Variants in PRKCQ observed in about 807,000 individuals in gnomAD.
The protein encoded by PRKCQ is protein kinase C theta type.
Under a neutral mutation model 91.2 loss-of-function variants are expected in PRKCQ, and 41 were observed. The observed-to-expected ratio is 0.45, with a 90% CI of 0.35 to 0.58. The LOEUF (loss-of-function observed/expected upper bound fraction) is 0.58, where lower values mean the gene tolerates loss of function less well. Ranked by LOEUF, PRKCQ falls within the 20% of genes least tolerant of loss-of-function variation. The pLI is 0.00. For missense variants in PRKCQ, 673 were observed against 896.5 expected (o/e 0.75, Z 3.18); for synonymous variants, 307 against 316.9 (o/e 0.97, Z 0.33).
chr10:6,412,844 C>G, the PRKCQ span, among the ~76,000 whole-genome samples: 1 of 152,276 alleles, frequency 6.6e-6, no homozygotes, highest in Non-Finnish European at 1.5e-5. Context: ...CCACTAGGTA[C>G]AGCCTGGTAT....
At chr10:6,454,366 AG>A in intron 15 of PRKCQ, among the ~76,000 whole-genome samples, 1 of 152,280 alleles carries the variant, frequency 6.6e-6, no homozygotes, top group Non-Finnish European at 1.5e-5. Flanking sequence ...GGGTAACAGC[AG>A]TAAGGGCGAG....
At chr10:6,439,500 G>C (rs1283313855) in intron 16 of PRKCQ, among the ~76,000 whole-genome samples, 2 of 152,018 alleles carry the variant, frequency 1.3e-5, no homozygotes, top group African/African-American at 4.8e-5. Flanking sequence ...TTTACACCAA[G>C]TGTGCCTGCC....
intron 11 of PRKCQ, among the ~76,000 whole-genome samples, 154 bp downstream of exon 11, chr10:6,483,286 C>T (rs568453984): frequency 2.6e-5 from 4 of 152,214 alleles, no homozygotes; most frequent in East Asian, 1.9e-4. Context: ...CTAGAGCCCT[C>T]GGGGTCCCTA....
intron 1 of PRKCQ, among the ~76,000 whole-genome samples, chr10:6,577,366 T>C (rs1841281729): frequency 1.3e-5 from 2 of 152,238 alleles, no homozygotes; most frequent in South Asian, 4.1e-4. Context: ...CATTTTTCTA[T>C]AGTTTCTCAT....
chr10:6,540,843 A>C (rs1261159941), intron 1 of PRKCQ, among the ~76,000 whole-genome samples: 1 of 152,202 alleles, frequency 6.6e-6, no homozygotes, highest in Non-Finnish European at 1.5e-5. Context: ...TCACATGTCC[A>C]CCAGCAATTC....
At chr10:6,523,348 G>A (rs1839086515) in intron 1 of PRKCQ, among the ~76,000 whole-genome samples, 1 of 152,092 alleles carries the variant, frequency 6.6e-6, no homozygotes, top group African/African-American at 2.4e-5. Flanking sequence ...CTACTCGGGA[G>A]GCCAAAGTGG....
chr10:6,449,736 C>T (rs9663328), intron 15 of PRKCQ, among the ~76,000 whole-genome samples: 39,552 of 151,972 alleles, frequency 0.26, 5,345 homozygotes, highest in Non-Finnish European at 0.29. Flanking sequence ...GCTGATCTCT[C>T]GGCAGAAACT....
chr10:6,488,142 A>C (rs1178314346), intron 8 of PRKCQ, among the ~76,000 whole-genome samples: 2 of 152,190 alleles, frequency 1.3e-5, no homozygotes, highest in African/African-American at 2.4e-5. Context: ...GACATCATGC[A>C]GTCTTAATCT....
chr10:6,480,759 G>A (rs762071453), intron 11 of PRKCQ, among the ~76,000 whole-genome samples: 2 of 152,194 alleles, frequency 1.3e-5, no homozygotes, highest in African/African-American at 4.8e-5. Flanking sequence ...GGGAAAGGCC[G>A]AAGTCAATGA....
chr10:6,515,533 T>C (rs1838716583), intron 1 of PRKCQ: 1 of 981,774 alleles, frequency 1.0e-6, no homozygotes, highest in South Asian at 4.7e-5. Flanking sequence ...AGAAAATGAG[T>C]TTATATAGAG....
intron 1 of PRKCQ, among the ~76,000 whole-genome samples, chr10:6,531,499 T>C (rs566318799): frequency 6.6e-6 from 1 of 150,456 alleles, no homozygotes; most frequent in East Asian, 2.0e-4. Flanking sequence ...CCAAAACCAA[T>C]AGTGCGGAGG....
At chr10:6,541,575 A>T (rs1186799747) in intron 1 of PRKCQ, among the ~76,000 whole-genome samples, 1 of 152,186 alleles carries the variant, frequency 6.6e-6, no homozygotes, top group Non-Finnish European at 1.5e-5. Context: ...TCTCATTGAA[A>T]TCATGTTCTC....
intron 2 of PRKCQ, 121 bp downstream of exon 2, chr10:6,514,897 T>G: frequency 6.6e-7 from 1 of 1,520,298 alleles, no homozygotes; most frequent in Non-Finnish European, 8.9e-7. Flanking sequence ...ATCAGCGTCC[T>G]AAATGGCAGG....
At chr10:6,432,657 G>A (rs1406258591) in intron 16 of PRKCQ, among the ~76,000 whole-genome samples, 3 of 152,156 alleles carry the variant, frequency 2.0e-5, no homozygotes. Flanking sequence ...TTCCTCGTGT[G>A]TAAAGGAAGG....
At chr10:6,509,300 T>C (rs1340982243) in intron 3 of PRKCQ, among the ~76,000 whole-genome samples, 2 of 152,096 alleles carry the variant, frequency 1.3e-5, no homozygotes, top group African/African-American at 2.4e-5. Context: ...GAAGACTACT[T>C]AACAAAAAGA....
At chr10:6,445,820 G>A (rs552859870) in intron 15 of PRKCQ, among the ~76,000 whole-genome samples, 1 of 152,352 alleles carries the variant, frequency 6.6e-6, no homozygotes, top group Admixed American at 6.5e-5. Context: ...TACAATCTTT[G>A]CTCAATTTGC....
At chr10:6,513,502 T>C (rs984866387) in intron 2 of PRKCQ, among the ~76,000 whole-genome samples, 3 of 141,238 alleles carry the variant, frequency 2.1e-5, no homozygotes, top group African/African-American at 5.4e-5. Flanking sequence ...AGACCTGAGA[T>C]GGTAAAGAGA....
chr10:6,533,991 A>C (rs7914917), intron 1 of PRKCQ, among the ~76,000 whole-genome samples: 22,323 of 152,196 alleles, frequency 0.15, 2,053 homozygotes, highest in African/African-American at 0.26. Flanking sequence ...ACAAGCCCCA[A>C]AAAGGTAAAC....
intron 15 of PRKCQ, among the ~76,000 whole-genome samples, chr10:6,445,731 G>GA (rs1388758928): frequency 9.9e-5 from 15 of 152,144 alleles, no homozygotes; most frequent in African/African-American, 3.6e-4. Context: ...TTATAATTTA[G>GA]AAAAAATAGG....
Sources: gnomAD v4.1 joint callset for allele counts (sites outside exome capture counted in the v4.1 genomes callset) on GRCh38, gnomAD v4.1.1 for gene constraint, MANE v1.5 for transcripts, NCBI Gene and HGNC (gene_info 2026-07-23, HGNC 2026-07-21) for gene names.